Variants in NRG1 observed in about 807,000 individuals in gnomAD.
NRG1 encodes neuregulin 1, also known as pro-neuregulin-1, membrane-bound isoform.
NRG1 carries 18 observed loss-of-function variants against 63.8 expected under a neutral mutation model. The observed-to-expected ratio is 0.28, with a 90% CI of 0.19 to 0.42. The LOEUF (loss-of-function observed/expected upper bound fraction) is 0.42. Among genes scored for constraint, NRG1 ranks in the 10% least tolerant of loss-of-function variants. NRG1 has a pLI of 1.00. For missense variants in NRG1, 762 were observed against 814.7 expected, an observed-to-expected ratio of 0.94 and a Z score of 0.79; for synonymous variants, 302 against 301.3, an observed-to-expected ratio of 1.00 and a Z score of -0.02.
chr8:31,941,165 T>G (rs1801691638), intron 1 of NRG1, among the ~76,000 whole-genome samples: 1 of 152,026 alleles, frequency 6.6e-6, no homozygotes, highest in South Asian at 2.1e-4. Context: ...CCTAGTGAAT[T>G]GAATCCAACA....
chr8:32,013,665 C>T (rs987676808), intron 1 of NRG1, among the ~76,000 whole-genome samples: 1 of 152,084 alleles, frequency 6.6e-6, no homozygotes, highest in Non-Finnish European at 1.5e-5. Context: ...GGCATGATCT[C>T]AGACTCCCAT....
chr8:32,279,385 A>G (rs1183781166), intron 1 of NRG1, among the ~76,000 whole-genome samples: 2 of 152,076 alleles, frequency 1.3e-5, no homozygotes, highest in African/African-American at 4.8e-5. Context: ...ACGGAGTCTC[A>G]CTCTGTCGCC....
upstream of NRG1, chr8:32,548,180 T>A: frequency 1.1e-6 from 1 of 935,324 alleles, no homozygotes; most frequent in African/African-American, 1.9e-5. Context: ...CGCCTCGGGG[T>A]GGGGGTGTGG....
At chr8:32,708,321 G>A (rs1039029010) in intron 5 of NRG1, among the ~76,000 whole-genome samples, 1 of 152,150 alleles carries the variant, frequency 6.6e-6, no homozygotes, top group African/African-American at 2.4e-5. Flanking sequence ...TATGGAAGAT[G>A]TCAAAGGTCA....
chr8:31,698,585 G>T (rs904656705), intron 1 of NRG1, among the ~76,000 whole-genome samples: 3 of 152,164 alleles, frequency 2.0e-5, no homozygotes, highest in African/African-American at 7.2e-5. Flanking sequence ...AAGGTGTTAT[G>T]CTGGCTGAAA....
intron 1 of NRG1, among the ~76,000 whole-genome samples, chr8:32,467,090 A>G (rs913401221): frequency 6.6e-6 from 1 of 152,088 alleles, no homozygotes; most frequent in African/African-American, 2.4e-5. Flanking sequence ...TCCCATAAAG[A>G]CACACATTTT....
At chr8:31,998,637 A>T (rs1563664568) in intron 1 of NRG1, among the ~76,000 whole-genome samples, 3 of 151,998 alleles carry the variant, frequency 2.0e-5, no homozygotes. Flanking sequence ...AATGGTGAGA[A>T]TAAAGTGCAT....
intron 1 of NRG1, among the ~76,000 whole-genome samples, chr8:31,825,401 A>G (rs546373115): frequency 2.0e-5 from 3 of 152,066 alleles, no homozygotes; most frequent in African/African-American, 2.4e-5. Flanking sequence ...AAAAAAAAAA[A>G]GTATTTTATA....
chr8:32,126,719 C>T (rs1243191285), intron 1 of NRG1, among the ~76,000 whole-genome samples: 1 of 151,882 alleles, frequency 6.6e-6, no homozygotes. Flanking sequence ...GGAGAAGGAG[C>T]CTGATTTTCC....
intron 1 of NRG1, among the ~76,000 whole-genome samples, chr8:32,357,152 C>A (rs192398911): frequency 2.8e-3 from 428 of 152,178 alleles, no homozygotes; most frequent in Non-Finnish European, 4.8e-3. Flanking sequence ...AGCAACTGAG[C>A]CCCCATACAG....
intron 1 of NRG1, among the ~76,000 whole-genome samples, chr8:32,100,594 CA>C (rs1315099248): frequency 2.0e-5 from 3 of 151,338 alleles, no homozygotes; most frequent in African/African-American, 7.3e-5. Context: ...TATTTACAGA[CA>C]GTTCATGGCT....
intron 5 of NRG1, among the ~76,000 whole-genome samples, chr8:32,717,050 G>A (rs1197856625): frequency 3.9e-5 from 6 of 152,034 alleles, no homozygotes; most frequent in East Asian, 1.9e-4. Flanking sequence ...AAAAAGCACC[G>A]GGTTTTAGGG....
At chr8:31,725,103 A>G (rs1441905187) in intron 1 of NRG1, among the ~76,000 whole-genome samples, 5 of 152,238 alleles carry the variant, frequency 3.3e-5, no homozygotes, top group Non-Finnish European at 7.3e-5. Context: ...ATTTCAAAAT[A>G]TAAAAAATGA....
At chr8:31,855,289 G>A (rs1400259205) in intron 1 of NRG1, among the ~76,000 whole-genome samples, 1 of 152,104 alleles carries the variant, frequency 6.6e-6, no homozygotes, top group African/African-American at 2.4e-5. Flanking sequence ...TATGAATCTG[G>A]GGGCTCCTGT....
intron 1 of NRG1, among the ~76,000 whole-genome samples, chr8:32,534,357 C>A (rs1831751165): frequency 1.3e-5 from 2 of 152,080 alleles, no homozygotes; most frequent in South Asian, 4.1e-4. Flanking sequence ...AAGCTATAAA[C>A]TATGTTTATA....
intron 3 of NRG1, among the ~76,000 whole-genome samples, chr8:32,613,492 G>A (rs1176554433): frequency 4.0e-5 from 6 of 151,822 alleles, no homozygotes; most frequent in African/African-American, 1.5e-4. Flanking sequence ...ATTTAAAGAT[G>A]ATTATATTAG....
chr8:31,896,127 C>A (rs1187650596), intron 1 of NRG1, among the ~76,000 whole-genome samples: 1 of 152,082 alleles, frequency 6.6e-6, no homozygotes, highest in East Asian at 1.9e-4. Context: ...TCTCAAAATC[C>A]AGCATTTGCT....
intron 1 of NRG1, among the ~76,000 whole-genome samples, chr8:32,214,295 T>G (rs1844996208): frequency 6.6e-6 from 1 of 152,186 alleles, no homozygotes; most frequent in Non-Finnish European, 1.5e-5. Context: ...CTACAGGACC[T>G]ATGCAAAGAT....
intron 1 of NRG1, among the ~76,000 whole-genome samples, chr8:32,539,460 CA>C (rs1832360110): frequency 6.6e-6 from 1 of 152,094 alleles, no homozygotes; most frequent in Non-Finnish European, 1.5e-5. Context: ...TTGGGGGCAC[CA>C]GGTGGCTGGA....
Sources: gnomAD v4.1 joint callset for allele counts (sites outside exome capture counted in the v4.1 genomes callset) on GRCh38, gnomAD v4.1.1 for gene constraint, MANE v1.5 for transcripts, NCBI Gene and HGNC (gene_info 2026-07-23, HGNC 2026-07-21) for gene names.